Variants in RALGDS observed in about 807,000 individuals in gnomAD.
RALGDS encodes the protein ral guanine nucleotide dissociation stimulator, also known as ral guanine nucleotide exchange factor.
In RALGDS, 44 loss-of-function variants were observed where a neutral mutation model predicts 99.8. That is an observed-to-expected ratio of 0.44 (90% CI 0.35 to 0.57). The LOEUF (loss-of-function observed/expected upper bound fraction) is 0.57, where lower values mean the gene tolerates loss of function less well. Ranked by LOEUF, RALGDS falls within the 20% of genes least tolerant of loss-of-function variation. The probability of loss-of-function intolerance (pLI) is 0.01; values close to 1 mark genes in which losing one functional copy is unlikely to be tolerated. For synonymous variants in RALGDS, 529 were observed against 505.0 expected (o/e 1.05, Z -0.64); for missense variants, 1,022 against 1,203.1 (o/e 0.85, Z 2.23).
At chr9:133,127,892 G>C (rs1485988487) in intron 1 of RALGDS, among the ~76,000 whole-genome samples, 1 of 152,248 alleles carries the variant, frequency 6.6e-6, no homozygotes, top group African/African-American at 2.4e-5. Flanking sequence ...AGCACAACCA[G>C]AACAAGGTGT....
chr9:133,101,340 C>G (rs951376898), intron 16 of RALGDS, 180 bp downstream of exon 16: 4 of 1,479,966 alleles, frequency 2.7e-6, no homozygotes, highest in East Asian at 4.6e-5. Flanking sequence ...TTTCCTCCCC[C>G]TCTGCCCTCA....
rs184205821 is a variant in RALGDS, at chr9:133,105,921, C to T, written c.1602+11G>A. Reference sequence around the variant, plus strand: ...CGCCCCAGCCCCCGCCCCAGCCTGCCGCCACTCCACCTTGATGAGCAGCTC... The same window carrying T: ...CGCCCCAGCCCCCGCCCCAGCCTGCTGCCACTCCACCTTGATGAGCAGCTC... On this transcript the variant is annotated intron_variant, in intron 9 of 17. Transcript: ENST00000372050. The T allele has an allele frequency of 8.1e-4, 1,177 of 1,450,568 alleles. 31 individuals are homozygous for T. The African/African-American group carries it at 0.015, about 18-fold the overall frequency. The allele number at this position is 1,450,568 out of a possible 1,614,324, so 89.9% of individuals were successfully genotyped here. A position where few individuals can be genotyped will look rare whatever the true frequency, so the allele number is the denominator to read the frequency against.
intron 1 of RALGDS, among the ~76,000 whole-genome samples, chr9:133,114,458 C>T (rs968781444): frequency 3.3e-5 from 5 of 152,164 alleles, no homozygotes; most frequent in African/African-American, 9.7e-5. Flanking sequence ...TGCCCCCTCA[C>T]AGGACAGAGA....
chr9:133,130,905 G>A (rs758873649), intron 1 of RALGDS: 1 of 1,486,118 alleles, frequency 6.7e-7, no homozygotes, highest in South Asian at 1.2e-5. Flanking sequence ...AAAGCCCAGA[G>A]ATGCCAGGGC....
upstream of RALGDS, among the ~76,000 whole-genome samples, chr9:133,136,101 T>C (rs901011744): frequency 6.6e-6 from 1 of 152,048 alleles, no homozygotes; most frequent in Non-Finnish European, 1.5e-5. Flanking sequence ...GAACACCTAC[T>C]AGGTGCCGGG....
intron 1 of RALGDS, among the ~76,000 whole-genome samples, chr9:133,137,972 C>G (rs1213921817): frequency 2.6e-5 from 4 of 152,198 alleles, no homozygotes; most frequent in Non-Finnish European, 5.9e-5. Context: ...GCGCTCGGGC[C>G]AGGGGAACCA....
At chr9:133,142,175 G>A (rs1195271553) in intron 1 of RALGDS, among the ~76,000 whole-genome samples, 1 of 152,172 alleles carries the variant, frequency 6.6e-6, no homozygotes, top group African/African-American at 2.4e-5. Flanking sequence ...GTGGACTGGG[G>A]TGTCCCTCAG....
At chr9:133,116,759 A>G (rs1831628420) in intron 1 of RALGDS, among the ~76,000 whole-genome samples, 1 of 152,232 alleles carries the variant, frequency 6.6e-6, no homozygotes, top group Non-Finnish European at 1.5e-5. Context: ...ATGGACAAGG[A>G]AACAGCCTGA....
chr9:133,112,111 G>T lies in RALGDS; in HGVS notation c.225C>A (p.Val75=), dbSNP rs775902099. 6.3e-6 allele frequency: 10 copies of T among 1,582,382 alleles called. 1 individual carries two copies. In the South Asian group the frequency reaches 1.2e-4, roughly 18 times the overall value. The change falls in exon 2 of 18, where the codon GTC becomes GTA. Residue 75 remains valine, a synonymous_variant. Transcript: ENST00000372050. ...QEIGEELING[V]IYSISLRKVQ... ...CCTTGCGCAGGGAGATGGAGTAGAT[G>T]ACTCCGTTGATCAGCTCCTCACCGA...
upstream of RALGDS, chr9:133,131,158 A>T: frequency 7.1e-7 from 1 of 1,417,938 alleles, no homozygotes; most frequent in Non-Finnish European, 9.1e-7. Flanking sequence ...TCCTCTGAGC[A>T]TCTCACATCC....
chr9:133,129,312 G>A (rs623361), intron 1 of RALGDS: 466,277 of 1,581,826 alleles, frequency 0.29, 72,953 homozygotes, highest in East Asian at 0.55. Flanking sequence ...CCTGCTTCCC[G>A]GGCCATGGTG....
At position 133,098,426 on chromosome 9, in the gene RALGDS, C is replaced by A. The variant is rs1199422094; in HGVS notation, c.*161G>T. 1.3e-6 allele frequency: 1 copy of A among 763,412 alleles called. No individual in the cohort carries two copies. Among genetic ancestry groups the A allele is most frequent in the Non-Finnish European group, 2.2e-6 (1 of 462,720 alleles). The allele number at this position is 763,412 out of a possible 1,614,324, so 47.3% of individuals were successfully genotyped here. ...TCCACGGGAGGCCAGGTCAGCCTGACCAATGGCAGGCGTCAATCCCAGCAG... is the reference window on the plus strand; with the variant it reads ...TCCACGGGAGGCCAGGTCAGCCTGAACAATGGCAGGCGTCAATCCCAGCAG... On this transcript the variant is annotated 3_prime_UTR_variant, in exon 18 of 18. Transcript: ENST00000372050.
intron 1 of RALGDS, among the ~76,000 whole-genome samples, chr9:133,113,084 C>G (rs528228325): frequency 6.6e-6 from 1 of 152,190 alleles, no homozygotes; most frequent in South Asian, 2.1e-4. Flanking sequence ...GCCTCACAGC[C>G]CCCTATGCCA....
chr9:133,101,116 C>T (rs1460083505), intron 16 of RALGDS: 2 of 1,136,312 alleles, frequency 1.8e-6, no homozygotes, highest in East Asian at 6.3e-5. Context: ...AGCCTGGTTG[C>T]CACAGCGGCC....
At position 133,112,099 on chromosome 9, in the gene RALGDS, G is replaced by A. The variant is rs978933251; in HGVS notation, c.237C>T (p.Ile79=). The A allele has an allele frequency of 1.0e-5, 16 of 1,585,150 alleles. No homozygotes were observed. Among genetic ancestry groups the A allele is most frequent in the Non-Finnish European group, 1.2e-5 (14 of 1,164,854 alleles). The part of the protein sequence containing the change: ...EELINGVIYS[I]SLRKVQLHHG... ...GGTGCAGCTGCACCTTGCGCAGGGAGATGGAGTAGATGACTCCGTTGATCA... is the reference window on the plus strand; with the variant it reads ...GGTGCAGCTGCACCTTGCGCAGGGAAATGGAGTAGATGACTCCGTTGATCA... The change falls in exon 2 of 18, where the codon ATC becomes ATT. Residue 79 remains isoleucine, a synonymous_variant. Transcript: ENST00000372050.
rs143373682 is a variant in RALGDS at position 133,102,841 on chromosome 9, G to A, written c.1851C>T (p.Ile617=). 1,017 of 1,613,654 alleles carry A rather than the reference G, an allele frequency of 6.3e-4. 1 individual carries two copies. In the African/African-American group the frequency reaches 0.011, roughly 17 times the overall value. The change falls in exon 13 of 18, where the codon ATC becomes ATT. Residue 617 remains isoleucine, a synonymous_variant. Transcript: ENST00000372050. ...LLQSACNNYS[I]APDEQFGAWF... ...AGGCCCCAAATTGCTCATCTGGCGC[G>A]ATGCTGTAGTTGTTGCAGGCCGACT...
chr9:133,104,484 G>GAGGGGGAGGCAGGCTCAGGA, intron 9 of RALGDS, 153 bp from the exon 10 acceptor site: 2 of 692,086 alleles, frequency 2.9e-6, no homozygotes, highest in Non-Finnish European at 5.1e-6. Flanking sequence ...TGGCCTTCCT[G>GAGGGGGAGGCAGGCTCAGGA]AGCCTGCCTC....
At chr9:133,129,810 C>A in intron 1 of RALGDS, among the ~76,000 whole-genome samples, 1 of 129,654 alleles carries the variant, frequency 7.7e-6, no homozygotes. Flanking sequence ...TTCCTTTCTT[C>A]TTTTTTTTTT....
At chr9:133,146,250 T>C (rs1489886353) in intron 1 of RALGDS, among the ~76,000 whole-genome samples, 1 of 152,204 alleles carries the variant, frequency 6.6e-6, no homozygotes, top group Non-Finnish European at 1.5e-5. Flanking sequence ...TGCAGTGGCA[T>C]GATCTTGGCT....
Sources: gnomAD v4.1 joint callset for allele counts (sites outside exome capture counted in the v4.1 genomes callset) on GRCh38, gnomAD v4.1.1 for gene constraint, MANE v1.5 for transcripts, NCBI Gene and HGNC (gene_info 2026-07-23, HGNC 2026-07-21) for gene names.